PTPRD: variants seen among roughly 807,000 people sequenced by gnomAD.
PTPRD encodes the protein receptor-type tyrosine-protein phosphatase delta.
A neutral mutation model predicts 214.5 loss-of-function variants in PTPRD; 34 were observed. The observed-to-expected ratio is 0.16, with a 90% CI of 0.12 to 0.21. The LOEUF (loss-of-function observed/expected upper bound fraction) is 0.21. Among genes scored for constraint, PTPRD ranks in the 10% least tolerant of loss-of-function variants. The pLI is 1.00. For synonymous variants in PTPRD, 1,128 were observed against 845.7 expected (o/e 1.33, Z -5.79); for missense variants, 2,545 against 2,398.7 (o/e 1.06, Z -1.27).
intron 31 of PTPRD, 120 bp downstream of exon 31, chr9:8,470,875 C>A: frequency 2.5e-6 from 2 of 813,972 alleles, no homozygotes; most frequent in Non-Finnish European, 4.2e-6. Context: ...ACCATCCAAC[C>A]AGCTAGGTAT....
intron 12 of PTPRD, among the ~76,000 whole-genome samples, chr9:8,673,097 A>G (rs1017881991): frequency 1.3e-5 from 2 of 152,046 alleles, no homozygotes; most frequent in African/African-American, 2.4e-5. Context: ...ACATCTTACC[A>G]TAGATATTTC....
intron 11 of PTPRD, among the ~76,000 whole-genome samples, chr9:9,009,699 C>T (rs1362098305): frequency 1.3e-5 from 2 of 151,988 alleles, no homozygotes; most frequent in African/African-American, 4.8e-5. Context: ...GTGGATAAAA[C>T]TGGAGGATTT....
intron 37 of PTPRD, among the ~76,000 whole-genome samples, chr9:8,386,088 T>A (rs2086923037): frequency 6.6e-6 from 1 of 152,220 alleles, no homozygotes; most frequent in African/African-American, 2.4e-5. Context: ...CTGAGCCACC[T>A]TGCCACATCC....
chr9:8,794,267 G>A (rs994327436), intron 11 of PTPRD, among the ~76,000 whole-genome samples: 1 of 152,014 alleles, frequency 6.6e-6, no homozygotes, highest in Non-Finnish European at 1.5e-5. Context: ...AGATGGAAGT[G>A]CAATATGTTT....
intron 6 of PTPRD, among the ~76,000 whole-genome samples, chr9:9,738,425 T>C (rs1461812766): frequency 6.8e-6 from 1 of 148,074 alleles, no homozygotes; most frequent in Non-Finnish European, 1.5e-5. Flanking sequence ...GTATTAAAAT[T>C]CTTCACTCAC....
At chr9:9,229,405 C>G (rs1043667776) in intron 9 of PTPRD, among the ~76,000 whole-genome samples, 1 of 152,026 alleles carries the variant, frequency 6.6e-6, no homozygotes, top group Non-Finnish European at 1.5e-5. Context: ...AGCAATGCCT[C>G]ATAGAAGAAA....
intron 9 of PTPRD, among the ~76,000 whole-genome samples, chr9:9,220,816 A>G (rs928694142): frequency 6.6e-6 from 1 of 152,144 alleles, no homozygotes; most frequent in Admixed American, 6.6e-5. Flanking sequence ...TTTATAATTC[A>G]AAAGATAATC....
In PTPRD at chr9:9,937,952, A is replaced by G. The variant is rs2090150935; in HGVS notation, c.-368+555T>C. 1.3e-5 allele frequency among the ~76,000 whole-genome samples: 2 copies of G among 152,316 alleles called. 1 individual carries two copies. The highest frequency in any genetic ancestry group is 1.3e-4 in the Admixed American group (2 of 15,290). ...TGAAGGTACAGACTCAGAGTGGATC[A>G]TAACTGGAATTGGAGGCAGAGATCT... On this transcript the variant is annotated intron_variant, in intron 5 of 45. Transcript: ENST00000381196.
At chr9:9,301,865 C>T (rs942083439) in intron 9 of PTPRD, among the ~76,000 whole-genome samples, 2 of 151,756 alleles carry the variant, frequency 1.3e-5, no homozygotes, top group Non-Finnish European at 1.5e-5. Context: ...AATAACAGGT[C>T]GATTTCACAA....
chr9:8,379,718 T>C (rs953481486), intron 37 of PTPRD, among the ~76,000 whole-genome samples: 1 of 152,162 alleles, frequency 6.6e-6, no homozygotes, highest in Admixed American at 6.5e-5. Context: ...AAGCTGATTG[T>C]GAGATGAGAA....
At chr9:10,129,854 CCAT>C (rs2098846454) in intron 3 of PTPRD, among the ~76,000 whole-genome samples, 1 of 151,948 alleles carries the variant, frequency 6.6e-6, no homozygotes, top group African/African-American at 2.4e-5. Context: ...GCTTAAAACA[CCAT>C]CATCAGAGAA....
At chr9:9,836,353 CAGA>C (rs1324873525) in intron 5 of PTPRD, among the ~76,000 whole-genome samples, 1 of 152,136 alleles carries the variant, frequency 6.6e-6, no homozygotes, top group African/African-American at 2.4e-5. Flanking sequence ...CAGTGGATCT[CAGA>C]AGCTCTCATT....
At chr9:8,870,470 T>G (rs1021208707) in intron 11 of PTPRD, among the ~76,000 whole-genome samples, 2 of 152,036 alleles carry the variant, frequency 1.3e-5, no homozygotes, top group Non-Finnish European at 2.9e-5. Context: ...AAAAGGAAAG[T>G]GTGTGTGTCA....
At chr9:8,860,324 G>C (rs914018781) in intron 11 of PTPRD, 1 of 152,178 alleles carries the variant, frequency 6.6e-6, no homozygotes, top group Non-Finnish European at 1.5e-5. Context: ...CTAGCAAGTA[G>C]AAAAGGGACC....
intron 8 of PTPRD, among the ~76,000 whole-genome samples, chr9:9,412,864 T>C (rs2075884003): frequency 6.6e-6 from 1 of 152,014 alleles, no homozygotes; most frequent in South Asian, 2.1e-4. Flanking sequence ...TTTTGTACTC[T>C]CTCAAGAACT....
At chr9:8,726,864 G>A (rs181865686) in intron 12 of PTPRD, among the ~76,000 whole-genome samples, 2 of 150,838 alleles carry the variant, frequency 1.3e-5, no homozygotes, top group Non-Finnish European at 2.9e-5. Context: ...CCAGCTACTA[G>A]GGAGGCTGAG....
intron 9 of PTPRD, among the ~76,000 whole-genome samples, chr9:9,302,601 C>CTTTTTTTTTTTTTTTTTTTTTTTTTTTT (rs3047853): frequency 9.8e-5 from 11 of 111,886 alleles, no homozygotes; most frequent in Admixed American, 2.0e-4. Flanking sequence ...TTTTTTTTTT[C>CTTTTTTTTTTTTTTTTTTTTTTTTTTTT]TTTTTTTTTT....
intron 3 of PTPRD, among the ~76,000 whole-genome samples, chr9:10,193,131 A>AC (rs1311143911): frequency 2.0e-5 from 3 of 150,734 alleles, no homozygotes; most frequent in Admixed American, 1.3e-4. Context: ...TCCTTTATCA[A>AC]CCCCCTTCCC....
Position 10,047,552 on chromosome 9 carries a change from T to C in PTPRD, c.-544-13762A>G, listed in dbSNP as rs1177700862. Among the ~76,000 whole-genome samples the C allele has an allele frequency of 1.6e-4, 24 of 152,176 alleles. 1 individual carries two copies. The South Asian group carries it at 4.6e-3, about 29-fold the overall frequency. On this transcript the variant is annotated intron_variant, in intron 3 of 45. Transcript: ENST00000381196. Reference sequence around the variant, plus strand: ...TTGCAATTTAGCATCCCTCAACTTTTGTTTCAACACTGCCCACATACTTTT... The same window carrying C: ...TTGCAATTTAGCATCCCTCAACTTTCGTTTCAACACTGCCCACATACTTTT...
Sources: gnomAD v4.1 joint callset for allele counts (sites outside exome capture counted in the v4.1 genomes callset) on GRCh38, gnomAD v4.1.1 for gene constraint, MANE v1.5 for transcripts, NCBI Gene and HGNC (gene_info 2026-07-23, HGNC 2026-07-21) for gene names.